Variants in RPS6KA2 observed in about 807,000 individuals in gnomAD.
RPS6KA2 encodes ribosomal protein S6 kinase A2, also known as ribosomal protein S6 kinase alpha-2.
A neutral mutation model predicts 91.8 loss-of-function variants in RPS6KA2; 42 were observed. The ratio of observed to expected loss-of-function variants is 0.46; its 90% CI spans 0.36 to 0.59. RPS6KA2 has a LOEUF of 0.59. Ranked by LOEUF, RPS6KA2 falls within the 20% of genes least tolerant of loss-of-function variation. RPS6KA2 has a pLI of 0.00. For synonymous variants in RPS6KA2, 414 were observed against 393.6 expected (o/e 1.05, Z -0.61); for missense variants, 798 against 978.5 (o/e 0.82, Z 2.46).
chr6:166,817,692 C>T (rs1416550566), intron 2 of RPS6KA2, among the ~76,000 whole-genome samples: 3 of 150,826 alleles, frequency 2.0e-5, no homozygotes, highest in Non-Finnish European at 2.9e-5. Flanking sequence ...TCAATACCAC[C>T]TTTTTGGCCA....
chr6:166,648,135 T>TGC lies in RPS6KA2; in HGVS notation c.124-109353_124-109352dup, dbSNP rs1787714366. Among the ~76,000 whole-genome samples, 1 of 121,424 alleles carries TGC rather than the reference T, an allele frequency of 8.2e-6. No homozygotes were observed. Among genetic ancestry groups the TGC allele is most frequent in the Admixed American group, 8.3e-5 (1 of 12,010 alleles). The allele number at this position is 121,424 out of a possible 152,430, so 79.7% of individuals were successfully genotyped here. On this transcript the variant is annotated intron_variant, in intron 2 of 21. Coordinates refer to the RPS6KA2 transcript ENST00000503859. The surrounding 1 kb of genome is among the most constrained non-coding windows in gnomAD (Gnocchi z 4.8). Reference sequence around the variant, plus strand: ...GCACACACACGCTCATACACATACATGCACACACGCACATGGTTACACACC... The same window carrying TGC: ...GCACACACACGCTCATACACATACATGCGCACACACGCACATGGTTACACACC...
chr6:166,735,291 AAAC>A lies in RPS6KA2; in HGVS notation c.123+122906_123+122908del, dbSNP rs1048534938. Among the ~76,000 whole-genome samples, 16 of 152,322 alleles carry A rather than the reference AAAC, an allele frequency of 1.1e-4. No individual in the cohort carries two copies. In the East Asian group the frequency reaches 1.7e-3, roughly 17 times the overall value. ...TGACACAAAACAAAACAAAAAACTG[AAAC>A]AACGTGAACATCTATAGTAGGAATT... On this transcript the variant is annotated intron_variant, in intron 2 of 21. Transcript: ENST00000503859.
intron 5 of RPS6KA2, among the ~76,000 whole-genome samples, chr6:166,507,631 A>C (rs1350430708): frequency 6.6e-6 from 1 of 150,954 alleles, no homozygotes; most frequent in Admixed American, 6.6e-5. Flanking sequence ...CACCCCACAC[A>C]TAGCACACAC....
At chr6:166,532,682 C>G (rs1189385415) in intron 2 of RPS6KA2, among the ~76,000 whole-genome samples, 1 of 152,182 alleles carries the variant, frequency 6.6e-6, no homozygotes, top group Non-Finnish European at 1.5e-5. Context: ...ACAGCATCAT[C>G]CTGTGTGATG....
Position 166,412,416 on chromosome 6 carries a change from T to G in RPS6KA2, c.*346A>C. ...AGTCTGACCAAACCGACCGGCTTCA[T>G]AATTGGAAAACAGATCTCTCGGCAG... On this transcript the variant is annotated 3_prime_UTR_variant, in exon 21 of 21. Coordinates refer to ENST00000265678, the MANE Select transcript of RPS6KA2 (RefSeq NM_021135.6). This position sits in a 1 kb window ranked among gnomAD's most constrained non-coding sequence, Gnocchi z 4.3. 1 of 164,248 alleles carries G rather than the reference T, an allele frequency of 6.1e-6. No homozygotes were observed. The allele number at this position is 164,248 out of a possible 1,614,324, so 10.2% of individuals were successfully genotyped here.
At chr6:166,567,134 G>A (rs1351356622) in intron 1 of RPS6KA2, among the ~76,000 whole-genome samples, 1 of 152,178 alleles carries the variant, frequency 6.6e-6, no homozygotes, top group African/African-American at 2.4e-5. Flanking sequence ...GGCCTTCGCT[G>A]CCCTTCCGCA....
At chr6:166,451,680 C>T (rs542644493) in intron 12 of RPS6KA2, among the ~76,000 whole-genome samples, 1 of 152,284 alleles carries the variant, frequency 6.6e-6, no homozygotes, top group South Asian at 2.1e-4. Context: ...TCGACAGGTC[C>T]CACCCCTGTG....
intron 1 of RPS6KA2, among the ~76,000 whole-genome samples, chr6:166,548,504 C>G (rs1260399375): frequency 6.6e-6 from 1 of 152,148 alleles, no homozygotes; most frequent in Non-Finnish European, 1.5e-5. Flanking sequence ...ACACACAGAT[C>G]AATGGAATGG....
chr6:166,450,893 T>C (rs1779888889), intron 13 of RPS6KA2, among the ~76,000 whole-genome samples: 2 of 150,484 alleles, frequency 1.3e-5, no homozygotes, highest in African/African-American at 4.9e-5. Context: ...CCACGTGAGA[T>C]CATCATGGGG....
intron 2 of RPS6KA2, among the ~76,000 whole-genome samples, chr6:166,713,643 C>A (rs1052326344): frequency 6.6e-6 from 1 of 152,184 alleles, no homozygotes; most frequent in African/African-American, 2.4e-5. Flanking sequence ...CACAGATGCA[C>A]GATTTATGTG....
intron 2 of RPS6KA2, among the ~76,000 whole-genome samples, chr6:166,829,096 T>C (rs971952227): frequency 1.1e-4 from 17 of 152,032 alleles, no homozygotes; most frequent in Admixed American, 3.9e-4. Context: ...ACGCTCAACA[T>C]CACGAATCAT....
chr6:166,417,291 T>C (rs1778565105), intron 19 of RPS6KA2, among the ~76,000 whole-genome samples: 1 of 152,254 alleles, frequency 6.6e-6, no homozygotes, highest in Admixed American at 6.5e-5. Context: ...GTTAATTTTA[T>C]ATGTCATCAT....
intron 10 of RPS6KA2, among the ~76,000 whole-genome samples, chr6:166,476,568 A>G (rs1780982824): frequency 6.6e-6 from 1 of 152,144 alleles, no homozygotes; most frequent in Admixed American, 6.5e-5. Context: ...ACTGAACGGA[A>G]CTGTCTGGAA....
chr6:166,552,301 G>T (rs1424733557), intron 1 of RPS6KA2, among the ~76,000 whole-genome samples: 1 of 152,212 alleles, frequency 6.6e-6, no homozygotes, highest in Non-Finnish European at 1.5e-5. Flanking sequence ...CTTTGTTCAA[G>T]GAATCGATGA....
At chr6:166,851,258 G>A (rs143272477) in intron 2 of RPS6KA2, among the ~76,000 whole-genome samples, 168 of 152,310 alleles carry the variant, frequency 1.1e-3, no homozygotes, top group African/African-American at 3.7e-3. Flanking sequence ...CAGGGGCTCA[G>A]ACCTGGGAGG....
rs537284173 is a variant in RPS6KA2 at position 166,739,571 on chromosome 6, G to A, written c.123+118629C>T. ...TGCTCAGTGTCTAAGTCAGGCAACC[G>A]AATGAGAGAGCGGGTACGGAAAAGA... On this transcript the variant is annotated intron_variant, in intron 2 of 21. Transcript: ENST00000503859. Among the ~76,000 whole-genome samples, 118 of 152,326 alleles carry A rather than the reference G, an allele frequency of 7.7e-4. 1 individual carries two copies. Among genetic ancestry groups the A allele is most frequent in the Non-Finnish European group, 9.6e-4 (65 of 68,036 alleles).
At chr6:166,794,894 T>C (rs548361977) in intron 2 of RPS6KA2, among the ~76,000 whole-genome samples, 131 of 150,888 alleles carry the variant, frequency 8.7e-4, no homozygotes, top group African/African-American at 3.0e-3. Context: ...ATATACCTAA[T>C]GCTAAATGAT....
intron 1 of RPS6KA2, 35 bp from the exon 2 acceptor site, chr6:166,538,819 C>G (rs74503721): frequency 1.7e-6 from 2 of 1,162,514 alleles, no homozygotes; most frequent in South Asian, 1.2e-5. Flanking sequence ...AAACACACCG[C>G]GAGGAGTCCC....
chr6:166,676,451 G>GC (rs1562377182), intron 2 of RPS6KA2, among the ~76,000 whole-genome samples: 2 of 152,142 alleles, frequency 1.3e-5, no homozygotes, highest in Non-Finnish European at 1.5e-5. Flanking sequence ...CTCCGGAAGC[G>GC]CAAGTCCACC....
Sources: allele counts gnomAD v4.1 joint callset (sites outside exome capture counted in the v4.1 genomes callset), GRCh38; gene constraint gnomAD v4.1.1; non-coding constraint Gnocchi (gnomAD v3.1); transcripts MANE v1.5; gene names NCBI Gene and HGNC (gene_info 2026-07-23, HGNC 2026-07-21).